The following RPS6KC1 variants were observed in gnomAD, a reference collection of about 807,000 sequenced individuals.
RPS6KC1 encodes the protein inactive ribosomal protein S6 kinase delta-1.
In RPS6KC1, 54 loss-of-function variants were observed where a neutral mutation model predicts 103.8. The observed-to-expected ratio is 0.52, with a 90% CI of 0.42 to 0.65. The LOEUF is 0.65. Among genes scored for constraint, RPS6KC1 ranks in the 30% least tolerant of loss-of-function variants. RPS6KC1 has a pLI of 0.00. For synonymous variants in RPS6KC1, 439 were observed against 438.7 expected (o/e 1.00, Z -0.01); for missense variants, 1,151 against 1,253.8 (o/e 0.92, Z 1.24).
the RPS6KC1 span, among the ~76,000 whole-genome samples, chr1:213,650,277 T>C: frequency 1.3e-5 from 2 of 152,222 alleles, no homozygotes; most frequent in Admixed American, 6.5e-5. Flanking sequence ...CACTTATGTG[T>C]TATCAATGAT....
At chr1:213,407,069 C>G in the RPS6KC1 span, among the ~76,000 whole-genome samples, 5 of 152,078 alleles carry the variant, frequency 3.3e-5, no homozygotes, top group African/African-American at 1.2e-4. Flanking sequence ...GGCCCCAGCC[C>G]CCAAGGTCCT....
At chr1:213,193,877 C>G (rs142746431) in intron 8 of RPS6KC1, among the ~76,000 whole-genome samples, 7 of 152,228 alleles carry the variant, frequency 4.6e-5, no homozygotes, top group African/African-American at 1.7e-4. Flanking sequence ...ATCTGCCCAT[C>G]TCAGCCTCCA....
chr1:213,261,471 A>T, intron 12 of RPS6KC1, 87 bp from the exon 13 acceptor site: 3 of 1,206,862 alleles, frequency 2.5e-6, no homozygotes, highest in Non-Finnish European at 3.7e-6. Context: ...TCTCAGCATT[A>T]AAAAGGTCAC....
At chr1:213,436,538 A>G in the RPS6KC1 span, among the ~76,000 whole-genome samples, 2 of 152,216 alleles carry the variant, frequency 1.3e-5, no homozygotes, top group East Asian at 3.8e-4. Flanking sequence ...CAATTCCCAG[A>G]GGGAAAAAAC....
chr1:213,787,544 T>C, the RPS6KC1 span, among the ~76,000 whole-genome samples: 1 of 152,146 alleles, frequency 6.6e-6, no homozygotes, highest in African/African-American at 2.4e-5. Context: ...TTGAGATTGA[T>C]CTTACAGGTG....
the RPS6KC1 span, among the ~76,000 whole-genome samples, chr1:213,692,963 T>C: frequency 6.6e-6 from 1 of 152,180 alleles, no homozygotes; most frequent in African/African-American, 2.4e-5. Context: ...CCTGACTGCC[T>C]ACTGTAATAC....
At chr1:213,075,013 A>G (rs1478726282) in intron 2 of RPS6KC1, among the ~76,000 whole-genome samples, 1 of 151,662 alleles carries the variant, frequency 6.6e-6, no homozygotes, top group Non-Finnish European at 1.5e-5. Context: ...CACCACGTCC[A>G]GCTAATTTTT....
the RPS6KC1 span, among the ~76,000 whole-genome samples, chr1:213,398,820 C>G: frequency 2.0e-5 from 3 of 152,104 alleles, no homozygotes; most frequent in Non-Finnish European, 4.4e-5. Flanking sequence ...TAATCCTCCT[C>G]AGTTCTTTGA....
the RPS6KC1 span, among the ~76,000 whole-genome samples, chr1:213,788,908 A>C: frequency 6.8e-6 from 1 of 148,128 alleles, no homozygotes; most frequent in Non-Finnish European, 1.5e-5. Flanking sequence ...CACACACACA[A>C]AGTTTCTTTG....
chr1:213,815,871 T>C, the RPS6KC1 span, among the ~76,000 whole-genome samples: 1 of 152,238 alleles, frequency 6.6e-6, no homozygotes, highest in African/African-American at 2.4e-5. Context: ...CCACATGCCT[T>C]CCTCACTAAG....
chr1:213,821,065 C>G, the RPS6KC1 span: 1 of 152,196 alleles, frequency 6.6e-6, no homozygotes, highest in African/African-American at 2.4e-5. Context: ...GGAGAAGAGG[C>G]TACAGCAATA....
At chr1:213,066,711 A>G (rs1374313778) in intron 1 of RPS6KC1, among the ~76,000 whole-genome samples, 1 of 152,210 alleles carries the variant, frequency 6.6e-6, no homozygotes, top group Non-Finnish European at 1.5e-5. Context: ...AGGAGTTTAT[A>G]TAGCAGGGAG....
the RPS6KC1 span, among the ~76,000 whole-genome samples, chr1:213,646,895 A>ATTTT: frequency 1.9e-3 from 284 of 148,820 alleles, 1 homozygote; most frequent in African/African-American, 7.1e-3. Context: ...ATATATATAT[A>ATTTT]TATTTTTGTT....
At chr1:213,488,188 G>A in the RPS6KC1 span, among the ~76,000 whole-genome samples, 2 of 152,182 alleles carry the variant, frequency 1.3e-5, no homozygotes, top group African/African-American at 4.8e-5. Context: ...CCATGCAGCT[G>A]TTCACCATCA....
chr1:213,727,700 A>G, the RPS6KC1 span, among the ~76,000 whole-genome samples: 2 of 152,208 alleles, frequency 1.3e-5, no homozygotes, highest in East Asian at 3.8e-4. Flanking sequence ...TGCATTTTCC[A>G]AAGGACAAAG....
chr1:213,174,698 T>C (rs2091747848), intron 7 of RPS6KC1, among the ~76,000 whole-genome samples: 1 of 150,848 alleles, frequency 6.6e-6, no homozygotes, highest in African/African-American at 2.4e-5. Flanking sequence ...AAAAAGAGGT[T>C]ATTGCTATTA....
chr1:213,401,965 T>C, the RPS6KC1 span, among the ~76,000 whole-genome samples: 22 of 152,064 alleles, frequency 1.4e-4, no homozygotes, highest in Admixed American at 3.9e-4. Context: ...TTTTAAATTA[T>C]TTTGTAAAGA....
intron 1 of RPS6KC1, among the ~76,000 whole-genome samples, chr1:213,069,607 A>G (rs980438863): frequency 1.3e-5 from 2 of 152,194 alleles, no homozygotes; most frequent in African/African-American, 4.8e-5. Context: ...GTGTATTGTC[A>G]TTAGATATCA....
the RPS6KC1 span, among the ~76,000 whole-genome samples, chr1:213,591,041 T>G: frequency 6.6e-6 from 1 of 152,146 alleles, no homozygotes; most frequent in African/African-American, 2.4e-5. Context: ...AGCTGGCACT[T>G]CTGCTAGTCT....
Sources: allele counts gnomAD v4.1 joint callset (sites outside exome capture counted in the v4.1 genomes callset), GRCh38; gene constraint gnomAD v4.1.1; transcripts MANE v1.5; gene names NCBI Gene and HGNC (gene_info 2026-07-23, HGNC 2026-07-21).